Variants in ROR1 observed in about 807,000 individuals in gnomAD.
ROR1 encodes inactive tyrosine-protein kinase transmembrane receptor ROR1.
Under a neutral mutation model 78.8 loss-of-function variants are expected in ROR1, and 19 were observed. The observed-to-expected ratio is 0.24, with a 90% CI of 0.17 to 0.35. ROR1 has a LOEUF of 0.35. Ranked by LOEUF, ROR1 falls within the 10% of genes least tolerant of loss-of-function variation. The probability of loss-of-function intolerance (pLI) is 1.00; values close to 1 mark genes in which losing one functional copy is unlikely to be tolerated. For missense variants in ROR1, 917 were observed against 1,177.8 expected, an observed-to-expected ratio of 0.78 and a Z score of 3.24; for synonymous variants, 386 against 433.6, an observed-to-expected ratio of 0.89 and a Z score of 1.36.
intron 7 of ROR1, among the ~76,000 whole-genome samples, chr1:64,149,781 C>G (rs1649569720): frequency 6.6e-6 from 1 of 152,148 alleles, no homozygotes. Context: ...AGCATTTTGC[C>G]TAAGTTCTTT....
intron 4 of ROR1, among the ~76,000 whole-genome samples, chr1:64,097,229 TG>T (rs11345228): frequency 0.61 from 92,061 of 151,832 alleles, 29,373 homozygotes; most frequent in African/African-American, 0.81. Flanking sequence ...TTGCATTTCT[TG>T]GCTAGCAGCC....
At chr1:64,017,697 G>A (rs143228773) in intron 2 of ROR1, among the ~76,000 whole-genome samples, 6 of 152,262 alleles carry the variant, frequency 3.9e-5, no homozygotes, top group Non-Finnish European at 8.8e-5. Flanking sequence ...CAGCCTAGAG[G>A]AACGAGGCCC....
chr1:63,886,101 G>A (rs376831935), intron 1 of ROR1, among the ~76,000 whole-genome samples: 25 of 152,202 alleles, frequency 1.6e-4, no homozygotes, highest in Middle Eastern at 6.8e-3. Context: ...CCTCGCATGC[G>A]CAGTTCACAG....
chr1:63,958,047 A>G, intron 1 of ROR1, among the ~76,000 whole-genome samples: 1 of 152,012 alleles, frequency 6.6e-6, no homozygotes, highest in Non-Finnish European at 1.5e-5. Context: ...CTGCCTCAAT[A>G]ACTCTTAATG....
At position 63,845,820 on chromosome 1, in the gene ROR1, G is replaced by C. The variant is rs565591324; in HGVS notation, c.91+71312G>C. Among the ~76,000 whole-genome samples the C allele has an allele frequency of 7.9e-5, 12 of 152,284 alleles. No individual in the cohort carries two copies. The South Asian group carries it at 1.9e-3, about 24-fold the overall frequency. ...TGCTTTAAAAATCTCTTTTCGGATA[G>C]ACTGGATATTTGTAGTCTCCATGTC... On this transcript the variant is annotated intron_variant, in intron 1 of 8. Coordinates refer to ENST00000371079, the MANE Select transcript of ROR1 (RefSeq NM_005012.4).
intron 1 of ROR1, among the ~76,000 whole-genome samples, chr1:63,919,791 T>C (rs1553143712): frequency 1.3e-5 from 2 of 152,184 alleles, no homozygotes; most frequent in African/African-American, 2.4e-5. Context: ...TCAGCACTTA[T>C]TGAGTATTGA....
At chr1:63,902,731 T>G (rs1557552529) in intron 1 of ROR1, among the ~76,000 whole-genome samples, 1 of 152,220 alleles carries the variant, frequency 6.6e-6, no homozygotes, top group Non-Finnish European at 1.5e-5. Context: ...TAATAAGTTA[T>G]GGAGAGTTCC....
At chr1:63,857,728 T>C (rs1163280912) in intron 1 of ROR1, among the ~76,000 whole-genome samples, 1 of 152,210 alleles carries the variant, frequency 6.6e-6, no homozygotes, top group African/African-American at 2.4e-5. Context: ...AAGTTCATAC[T>C]ATATTTGGAT....
intron 4 of ROR1, among the ~76,000 whole-genome samples, chr1:64,108,097 TG>T (rs1647906715): frequency 6.8e-6 from 1 of 147,674 alleles, no homozygotes; most frequent in Non-Finnish European, 1.5e-5. Context: ...TGTGTGTGTG[TG>T]TTTAAATCAC....
Position 63,780,579 on chromosome 1 carries a change from A to G in ROR1, c.91+6071A>G, listed in dbSNP as rs536656465. 5.9e-5 allele frequency among the ~76,000 whole-genome samples: 9 copies of G among 152,316 alleles called. No individual in the cohort carries two copies. In the East Asian group the frequency reaches 1.7e-3, roughly 29 times the overall value. ...AAGAAATTTGAAAATCTGGCTTCAA[A>G]ACGATGGTCCTGCTGCAAGGTAGCA... is the stretch of plus-strand genomic sequence containing the variant. On this transcript the variant is annotated intron_variant, in intron 1 of 8. Coordinates refer to ENST00000371079, the MANE Select transcript of ROR1 (RefSeq NM_005012.4).
At chr1:64,148,123 A>G (rs1649523091) in intron 7 of ROR1, among the ~76,000 whole-genome samples, 1 of 152,240 alleles carries the variant, frequency 6.6e-6, no homozygotes. Context: ...CAATGAGCTG[A>G]AAACTCTGCT....
intron 1 of ROR1, among the ~76,000 whole-genome samples, chr1:63,969,576 A>T (rs1245945662): frequency 6.6e-6 from 1 of 152,100 alleles, no homozygotes; most frequent in Non-Finnish European, 1.5e-5. Flanking sequence ...CTTCCCTGCA[A>T]ACTGGCTTCT....
intron 4 of ROR1, among the ~76,000 whole-genome samples, chr1:64,064,284 T>C (rs1184698207): frequency 3.9e-5 from 6 of 152,312 alleles, no homozygotes; most frequent in East Asian, 3.9e-4. Flanking sequence ...AATGGTGGCA[T>C]GTCTGTTCTG....
intron 4 of ROR1, among the ~76,000 whole-genome samples, chr1:64,074,474 G>T (rs1647033727): frequency 6.6e-6 from 1 of 152,196 alleles, no homozygotes; most frequent in African/African-American, 2.4e-5. Context: ...TTAAAGGATG[G>T]AGAGGATTAG....
At chr1:63,883,300 C>T (rs1645335392) in intron 1 of ROR1, among the ~76,000 whole-genome samples, 1 of 152,132 alleles carries the variant, frequency 6.6e-6, no homozygotes, top group African/African-American at 2.4e-5. Context: ...TTGAGCCCAA[C>T]CTTTAAGTTG....
chr1:64,159,337 G>T (rs944181550), intron 8 of ROR1, 145 bp downstream of exon 8: 2 of 658,794 alleles, frequency 3.0e-6, no homozygotes, highest in Non-Finnish European at 2.6e-6. Context: ...ATGCAAAGAC[G>T]AACTACCTAC....
chr1:64,119,747 G>A (rs1042251662), intron 4 of ROR1, among the ~76,000 whole-genome samples: 1 of 152,056 alleles, frequency 6.6e-6, no homozygotes, highest in Non-Finnish European at 1.5e-5. Context: ...AGTAGGTCAG[G>A]ACAGCCATGT....
chr1:64,152,909 C>T (rs1376709319), intron 7 of ROR1, among the ~76,000 whole-genome samples: 4 of 152,174 alleles, frequency 2.6e-5, no homozygotes, highest in Non-Finnish European at 5.9e-5. Context: ...ATTACAAATA[C>T]ATCTGATGAT....
At chr1:63,833,088 CAT>C (rs1377864846) in intron 1 of ROR1, among the ~76,000 whole-genome samples, 1 of 152,200 alleles carries the variant, frequency 6.6e-6, no homozygotes, top group Non-Finnish European at 1.5e-5. Flanking sequence ...CACAATTTTG[CAT>C]AGTGTGGTGA....
Sources: allele counts gnomAD v4.1 joint callset (sites outside exome capture counted in the v4.1 genomes callset), GRCh38; gene constraint gnomAD v4.1.1; transcripts MANE v1.5; gene names NCBI Gene and HGNC (gene_info 2026-07-23, HGNC 2026-07-21).